FGGY: variants seen among roughly 807,000 people sequenced by gnomAD.
The protein encoded by FGGY is FGGY carbohydrate kinase domain containing, also known as FGGY carbohydrate kinase domain-containing protein.
FGGY carries 72 observed loss-of-function variants against 71.3 expected under a neutral mutation model. The ratio of observed to expected loss-of-function variants is 1.01; its 90% confidence interval spans 0.84 to 1.23. The LOEUF (loss-of-function observed/expected upper bound fraction) is 1.23. Ranked by LOEUF, FGGY falls within the 50% of genes most tolerant of loss-of-function variation. FGGY has a pLI of 0.00. For missense variants in FGGY, 668 were observed against 682.3 expected (o/e 0.98, Z 0.23); for synonymous variants, 251 against 250.3 (o/e 1.00, Z -0.02).
chr1:59,387,651 C>T (rs1014612349), intron 5 of FGGY, among the ~76,000 whole-genome samples: 1 of 152,094 alleles, frequency 6.6e-6, no homozygotes, highest in Non-Finnish European at 1.5e-5. Context: ...GAGAGAATGG[C>T]ATATTGAACA....
At chr1:59,426,661 C>A (rs12083804) in intron 5 of FGGY, among the ~76,000 whole-genome samples, 31,449 of 152,012 alleles carry the variant, frequency 0.21, 3,272 homozygotes, top group African/African-American at 0.25. Flanking sequence ...TCCTCCTGGC[C>A]CTTGTTTACT....
At chr1:59,695,745 C>T (rs1311355573) in intron 14 of FGGY, among the ~76,000 whole-genome samples, 4 of 152,276 alleles carry the variant, frequency 2.6e-5, no homozygotes, top group South Asian at 2.1e-4. Context: ...GGGCCTGGAC[C>T]GTGGCTGGTC....
chr1:59,577,639 C>CA (rs560807482), intron 8 of FGGY, among the ~76,000 whole-genome samples: 136 of 151,844 alleles, frequency 9.0e-4, no homozygotes, highest in Middle Eastern at 3.4e-3. Flanking sequence ...GGTTGGTTAT[C>CA]AAAAAAAGAG....
intron 14 of FGGY, among the ~76,000 whole-genome samples, chr1:59,686,656 T>C (rs1419339978): frequency 6.6e-6 from 1 of 152,142 alleles, no homozygotes; most frequent in Non-Finnish European, 1.5e-5. Context: ...CCTGGAAATA[T>C]AGGTCTCCAG....
At chr1:59,683,885 G>GT (rs1054944855) in intron 14 of FGGY, among the ~76,000 whole-genome samples, 1 of 152,200 alleles carries the variant, frequency 6.6e-6, no homozygotes, top group Non-Finnish European at 1.5e-5. Flanking sequence ...CTGCTGGCTT[G>GT]TTTTTGCCCC....
At chr1:59,417,372 T>C (rs1013183836) in intron 5 of FGGY, among the ~76,000 whole-genome samples, 1 of 152,248 alleles carries the variant, frequency 6.6e-6, no homozygotes, top group African/African-American at 2.4e-5. Flanking sequence ...TTAGTTACTG[T>C]GACTAATGCT....
At chr1:59,585,098 G>C (rs1291523588) in intron 8 of FGGY, among the ~76,000 whole-genome samples, 2 of 152,074 alleles carry the variant, frequency 1.3e-5, no homozygotes, top group East Asian at 1.9e-4. Context: ...TACTGCCCAA[G>C]GTAATTTATA....
At chr1:59,573,159 A>G (rs559487630) in intron 8 of FGGY, among the ~76,000 whole-genome samples, 39 of 152,190 alleles carry the variant, frequency 2.6e-4, no homozygotes, top group Non-Finnish European at 4.9e-4. Flanking sequence ...AAGAGACATG[A>G]TATCTGAAGG....
At chr1:59,640,335 A>G (rs1341542046) in intron 11 of FGGY, among the ~76,000 whole-genome samples, 2 of 152,190 alleles carry the variant, frequency 1.3e-5, no homozygotes, top group African/African-American at 4.8e-5. Context: ...CATCAAAATA[A>G]TGACCCTGAA....
Position 59,426,313 on chromosome 1 carries a change from G to A in FGGY, c.555-30648G>A, listed in dbSNP as rs1457360026. Reference sequence around the variant, plus strand: ...AAATGGATTGGGGCAGAGGAATTGCGGAGCTCCATGGCATAGAGGGTCCTG... The same window carrying A: ...AAATGGATTGGGGCAGAGGAATTGCAGAGCTCCATGGCATAGAGGGTCCTG... On this transcript the variant is annotated intron_variant, in intron 5 of 15. Transcript: ENST00000303721. 3.3e-5 allele frequency among the ~76,000 whole-genome samples: 5 copies of A among 152,116 alleles called. No homozygotes were observed. In the South Asian group the frequency reaches 6.2e-4, roughly 19 times the overall value.
chr1:59,443,017 AG>A (rs1333745554), intron 5 of FGGY, among the ~76,000 whole-genome samples: 1 of 152,186 alleles, frequency 6.6e-6, no homozygotes, highest in East Asian at 1.9e-4. Context: ...TTTTAGTATG[AG>A]GGAAATGATA....
At chr1:59,440,588 TA>T (rs1359462345) in intron 5 of FGGY, among the ~76,000 whole-genome samples, 1 of 150,796 alleles carries the variant, frequency 6.6e-6, no homozygotes, top group Non-Finnish European at 1.5e-5. Flanking sequence ...ATTGATTCAG[TA>T]AATATTAAAC....
chr1:59,660,697 A>C (rs1380944564), intron 12 of FGGY, among the ~76,000 whole-genome samples: 1 of 152,256 alleles, frequency 6.6e-6, no homozygotes, highest in African/African-American at 2.4e-5. Flanking sequence ...TTAAATAGTA[A>C]GCTTCCTTAG....
intron 11 of FGGY, among the ~76,000 whole-genome samples, chr1:59,652,624 CTGTA>C (rs1192939877): frequency 7.0e-6 from 1 of 142,506 alleles, no homozygotes; most frequent in African/African-American, 2.8e-5. Context: ...AAGCACTTCT[CTGTA>C]TTGGTTATTC....
At chr1:59,634,243 A>G (rs2096934998) in intron 10 of FGGY, among the ~76,000 whole-genome samples, 1 of 152,080 alleles carries the variant, frequency 6.6e-6, no homozygotes, top group Admixed American at 6.5e-5. Flanking sequence ...CATCTCTACT[A>G]AAAATACAAA....
At chr1:59,395,244 G>C (rs1355301569) in intron 5 of FGGY, among the ~76,000 whole-genome samples, 1 of 152,004 alleles carries the variant, frequency 6.6e-6, no homozygotes, top group Non-Finnish European at 1.5e-5. Flanking sequence ...CACGTGTTAG[G>C]TGTTGAGAAA....
upstream of FGGY, chr1:59,296,895 T>A (rs1407253456): frequency 6.6e-6 from 1 of 152,372 alleles, no homozygotes; most frequent in Non-Finnish European, 1.5e-5. Flanking sequence ...TAATTTCAGA[T>A]TGGACAAGTA....
intron 14 of FGGY, chr1:59,681,046 A>G (rs1018939760): frequency 1.3e-5 from 2 of 152,190 alleles, no homozygotes; most frequent in Non-Finnish European, 2.9e-5. Flanking sequence ...TCCCCAGAGA[A>G]TGACCATACT....
In FGGY at chr1:59,584,637, G is replaced by C. The variant is rs1352019850; in HGVS notation, c.904-23166G>C. On this transcript the variant is annotated intron_variant, in intron 8 of 15. Transcript: ENST00000303721. ...GACAAGGATGCCCTCTCTCACCACT[G>C]CTATTCAACGTAGTGTTGGAAGTTC... 1.3e-5 allele frequency among the ~76,000 whole-genome samples: 2 copies of C among 149,872 alleles called. 1 individual carries two copies. The highest frequency in any genetic ancestry group is 5.0e-5 in the African/African-American group (2 of 39,634).
Sources: gnomAD v4.1 joint callset for allele counts (sites outside exome capture counted in the v4.1 genomes callset) on GRCh38, gnomAD v4.1.1 for gene constraint, MANE v1.5 for transcripts, NCBI Gene and HGNC (gene_info 2026-07-23, HGNC 2026-07-21) for gene names.